Variants in CHN1 observed in about 807,000 individuals in gnomAD.
The protein encoded by CHN1 is chimerin 1, also known as N-chimaerin.
In CHN1, 37 loss-of-function variants were observed where a neutral mutation model predicts 59.5. The observed-to-expected ratio is 0.62, with a 90% CI of 0.48 to 0.82. The LOEUF is 0.82. CHN1 is among the 40% of genes least tolerant of loss of function. CHN1 has a pLI of 0.00. For missense variants in CHN1, 469 were observed against 571.0 expected (o/e 0.82, Z 1.82); for synonymous variants, 206 against 200.4 (o/e 1.03, Z -0.24).
intron 1 of CHN1, among the ~76,000 whole-genome samples, chr2:174,954,989 G>A (rs1462168936): frequency 1.3e-5 from 2 of 151,792 alleles, no homozygotes; most frequent in South Asian, 2.1e-4. Context: ...ACTTGCACAC[G>A]CATGTTTATA....
At chr2:174,851,562 G>A (rs544749456) in intron 6 of CHN1, among the ~76,000 whole-genome samples, 5 of 152,188 alleles carry the variant, frequency 3.3e-5, no homozygotes, top group South Asian at 4.1e-4. Flanking sequence ...GATTATAGGC[G>A]TGAGCCATCG....
At chr2:174,836,257 C>G (rs1686073957) in intron 7 of CHN1, among the ~76,000 whole-genome samples, 1 of 152,166 alleles carries the variant, frequency 6.6e-6, no homozygotes, top group South Asian at 2.1e-4. Context: ...TCTATACTAC[C>G]TATTGATCAA....
intron 6 of CHN1, among the ~76,000 whole-genome samples, chr2:174,872,972 A>C (rs1238681818): frequency 1.3e-5 from 2 of 151,950 alleles, no homozygotes; most frequent in Non-Finnish European, 2.9e-5. Context: ...GCAACTTGAG[A>C]CTTAAGGAGG....
At chr2:174,959,937 G>A (rs1292071082) in intron 1 of CHN1, among the ~76,000 whole-genome samples, 1 of 152,166 alleles carries the variant, frequency 6.6e-6, no homozygotes, top group East Asian at 1.9e-4. Flanking sequence ...AGCAACTATT[G>A]CCAAACAGTG....
intron 8 of CHN1, among the ~76,000 whole-genome samples, chr2:174,821,383 C>G (rs1685490643): frequency 6.6e-6 from 1 of 152,184 alleles, no homozygotes; most frequent in Non-Finnish European, 1.5e-5. Flanking sequence ...CTTTCTCTAT[C>G]AACCTCTCGC....
chr2:174,940,533 G>GTT (rs35144073), intron 3 of CHN1, among the ~76,000 whole-genome samples: 10 of 147,262 alleles, frequency 6.8e-5, no homozygotes, highest in African/African-American at 2.0e-4. Flanking sequence ...TCCCACCACT[G>GTT]TTTTTTTTTT....
At chr2:174,882,858 C>T (rs188665855) in intron 5 of CHN1, among the ~76,000 whole-genome samples, 1 of 152,138 alleles carries the variant, frequency 6.6e-6, no homozygotes, top group African/African-American at 2.4e-5. Flanking sequence ...CGATTAAGTA[C>T]TACAAAATAA....
chr2:174,875,154 C>T (rs1041781651), intron 6 of CHN1, among the ~76,000 whole-genome samples: 1 of 152,072 alleles, frequency 6.6e-6, no homozygotes, highest in Non-Finnish European at 1.5e-5. Flanking sequence ...GGATTACAGG[C>T]GTGAGCCACC....
At chr2:174,859,302 C>T (rs1249174931) in intron 6 of CHN1, among the ~76,000 whole-genome samples, 2 of 152,096 alleles carry the variant, frequency 1.3e-5, no homozygotes, top group African/African-American at 4.8e-5. Flanking sequence ...TCATATTCAC[C>T]TTTAGGTTTA....
intron 1 of CHN1, among the ~76,000 whole-genome samples, chr2:174,976,036 G>A (rs1432269091): frequency 7.0e-6 from 1 of 142,488 alleles, no homozygotes; most frequent in Non-Finnish European, 1.5e-5. Context: ...TGAGGCAGGT[G>A]AATGGTGTGA....
At chr2:174,826,405 A>G (rs939495604) in intron 7 of CHN1, among the ~76,000 whole-genome samples, 5 of 152,236 alleles carry the variant, frequency 3.3e-5, no homozygotes, top group African/African-American at 4.8e-5. Flanking sequence ...ATCATGAAAC[A>G]GCAACAGAAT....
At chr2:174,813,666 GTCA>G (rs1386372513) in intron 8 of CHN1, among the ~76,000 whole-genome samples, 5 of 152,040 alleles carry the variant, frequency 3.3e-5, no homozygotes, top group Non-Finnish European at 5.9e-5. Context: ...TAAAATAAAT[GTCA>G]TCTTTTTAAA....
At chr2:174,982,896 C>G (rs576814702) in intron 1 of CHN1, among the ~76,000 whole-genome samples, 1 of 151,954 alleles carries the variant, frequency 6.6e-6, no homozygotes, top group Non-Finnish European at 1.5e-5. Flanking sequence ...CCTCCCTTTC[C>G]CCCACCAATG....
intron 1 of CHN1, among the ~76,000 whole-genome samples, chr2:174,977,577 T>C (rs1163521186): frequency 6.6e-6 from 1 of 152,224 alleles, no homozygotes; most frequent in Non-Finnish European, 1.5e-5. Context: ...AACTGAAGGA[T>C]GACACAATCG....
intron 5 of CHN1, among the ~76,000 whole-genome samples, chr2:174,908,322 A>C (rs1025323800): frequency 6.6e-6 from 1 of 152,210 alleles, no homozygotes; most frequent in African/African-American, 2.4e-5. Context: ...TATCCAAATA[A>C]TTCTGGTAAA....
Sources: allele counts gnomAD v4.1 joint callset (sites outside exome capture counted in the v4.1 genomes callset), GRCh38; gene constraint gnomAD v4.1.1; transcripts MANE v1.5; gene names NCBI Gene and HGNC (gene_info 2026-07-23, HGNC 2026-07-21).